CUX2: variants seen among roughly 807,000 people sequenced by gnomAD.
CUX2 encodes homeobox protein cut-like 2.
In CUX2, 40 loss-of-function variants were observed where a neutral mutation model predicts 144.8. The observed-to-expected ratio is 0.28, with a 90% confidence interval of 0.21 to 0.36. The LOEUF is 0.36. Ranked by LOEUF, CUX2 falls within the 10% of genes least tolerant of loss-of-function variation. The pLI is 1.00. For missense variants in CUX2, 1,615 were observed against 1,994.0 expected (o/e 0.81, Z 3.62); for synonymous variants, 827 against 875.6 (o/e 0.94, Z 0.98).
Position 111,347,789 on chromosome 12 carries a change from G to A in CUX2, c.3925G>A (p.Glu1309Lys), listed in dbSNP as rs1408229568. Reference sequence around the variant, plus strand: ...GGAACAGATGGAGGAGGATGCTGAGGAAGAGGCAGGCAGCCAGCCCCAGGA... The same window carrying A: ...GGAACAGATGGAGGAGGATGCTGAGAAAGAGGCAGGCAGCCAGCCCCAGGA... ...KQEQMEEDAE[E>K]EAGSQPQDSG... Residue 1309 changes from glutamate to lysine, a missense_variant, in exon 22 of 22, where the codon GAA becomes AAA. Coordinates refer to ENST00000261726, the MANE Select transcript of CUX2 (RefSeq NM_015267.4). The A allele has an allele frequency of 1.9e-6, 3 of 1,613,598 alleles. No individual in the cohort carries two copies. The African/African-American group carries it at 4.0e-5, about 22-fold the overall frequency.
intron 4 of CUX2, among the ~76,000 whole-genome samples, chr12:111,285,966 G>A (rs1327281865): frequency 6.6e-6 from 1 of 152,228 alleles, no homozygotes; most frequent in Non-Finnish European, 1.5e-5. Flanking sequence ...ACCCCACTGT[G>A]TCCTGGGGTG....
chr12:111,070,124 G>A (rs143295249), intron 1 of CUX2, among the ~76,000 whole-genome samples: 16 of 152,266 alleles, frequency 1.1e-4, no homozygotes, highest in African/African-American at 3.6e-4. Context: ...CAAGGAGTTT[G>A]TAAGTCTCTG....
intron 1 of CUX2, among the ~76,000 whole-genome samples, chr12:111,106,696 C>A (rs529566066): frequency 6.6e-6 from 1 of 152,158 alleles, no homozygotes; most frequent in African/African-American, 2.4e-5. Context: ...GGAAGACTTC[C>A]GCGAGAAGGG....
chr12:111,230,199 G>C (rs572599776), intron 3 of CUX2, among the ~76,000 whole-genome samples: 9 of 150,692 alleles, frequency 6.0e-5, no homozygotes, highest in Non-Finnish European at 1.2e-4. Flanking sequence ...AGCAGGAGAG[G>C]GGGGGAGGGG....
At chr12:111,330,692 TATATATATATATATATATA>T (rs1424342414) in intron 18 of CUX2, among the ~76,000 whole-genome samples, 1 of 9,670 alleles carries the variant, frequency 1.0e-4, no homozygotes, top group Non-Finnish European at 3.1e-4. Flanking sequence ...TATACATATA[TATATATATATATATATATA>T]TATATATATA....
At chr12:111,149,572 AG>A (rs1876909230) in intron 1 of CUX2, among the ~76,000 whole-genome samples, 1 of 152,134 alleles carries the variant, frequency 6.6e-6, no homozygotes, top group Admixed American at 6.5e-5. Flanking sequence ...GTCCCCTGGG[AG>A]GCAAAATCAC....
chr12:111,147,321 C>T (rs1195488682), intron 1 of CUX2, among the ~76,000 whole-genome samples: 2 of 152,118 alleles, frequency 1.3e-5, no homozygotes, highest in Non-Finnish European at 2.9e-5. Context: ...GAGAGGAGGT[C>T]CTAGCATTAA....
intron 3 of CUX2, among the ~76,000 whole-genome samples, chr12:111,219,039 G>A (rs1441201756): frequency 3.3e-5 from 5 of 152,138 alleles, no homozygotes. Flanking sequence ...ACTCAGGCAG[G>A]ACCCCAGAAG....
rs1888586329 is a variant in CUX2 at position 111,341,751 on chromosome 12, C to G, written c.3386-29C>G. On this transcript the variant is annotated intron_variant, in intron 20 of 21. Coordinates refer to ENST00000261726, the MANE Select transcript of CUX2 (RefSeq NM_015267.4). ...AACTTTTGGGATGGGGACACCACCT[C>G]TCAGCCCTCCCTCTCTTCCTGGCCC... The G allele has an allele frequency of 3.2e-6, 5 of 1,549,916 alleles. No individual in the cohort carries two copies. The East Asian group carries it at 1.1e-4, about 35-fold the overall frequency.
At chr12:111,133,948 G>T (rs1256638144) in intron 1 of CUX2, among the ~76,000 whole-genome samples, 1 of 152,134 alleles carries the variant, frequency 6.6e-6, no homozygotes. Flanking sequence ...AACTTTCAGG[G>T]TTCCATTCCA....
chr12:111,143,947 C>G (rs949525318), intron 1 of CUX2, among the ~76,000 whole-genome samples: 1 of 152,230 alleles, frequency 6.6e-6, no homozygotes, highest in African/African-American at 2.4e-5. Flanking sequence ...GTCTGTTTAT[C>G]CAAACTGACT....
intron 3 of CUX2, among the ~76,000 whole-genome samples, chr12:111,224,001 G>A (rs919101201): frequency 5.3e-5 from 8 of 152,146 alleles, no homozygotes; most frequent in African/African-American, 1.7e-4. Flanking sequence ...CTAATGGCTT[G>A]AGACTACTGT....
At chr12:111,095,185 G>A (rs988849563) in intron 1 of CUX2, among the ~76,000 whole-genome samples, 3 of 152,172 alleles carry the variant, frequency 2.0e-5, no homozygotes, top group Admixed American at 1.3e-4. Flanking sequence ...GTGGCCAGGC[G>A]CAGTGGCTCA....
intron 1 of CUX2, among the ~76,000 whole-genome samples, chr12:111,055,388 G>T (rs1256589517): frequency 1.3e-5 from 2 of 152,250 alleles, no homozygotes; most frequent in African/African-American, 4.8e-5. Flanking sequence ...GGACCCTCGG[G>T]CCAGCAGCCT....
intron 1 of CUX2, among the ~76,000 whole-genome samples, chr12:111,097,397 A>C (rs1456991765): frequency 1.3e-5 from 2 of 152,310 alleles, no homozygotes; most frequent in East Asian, 3.9e-4. Flanking sequence ...CAAGCCCTCC[A>C]TCTCCAGAGA....
At chr12:111,338,595 C>T in intron 20 of CUX2, 121 bp downstream of exon 20, 1 of 875,238 alleles carries the variant, frequency 1.1e-6, no homozygotes, top group East Asian at 2.6e-5. Flanking sequence ...TACTATGGGA[C>T]TGCATGAAAT....
intron 1 of CUX2, among the ~76,000 whole-genome samples, chr12:111,185,706 G>A (rs1452325288): frequency 3.3e-5 from 5 of 152,198 alleles, no homozygotes; most frequent in African/African-American, 1.2e-4. Context: ...AGCCTGGGTA[G>A]GCTCAGTAAT....
chr12:111,181,869 G>A (rs1250997249), intron 1 of CUX2, among the ~76,000 whole-genome samples: 1 of 152,214 alleles, frequency 6.6e-6, no homozygotes, highest in Non-Finnish European at 1.5e-5. Flanking sequence ...CTTATTTCCA[G>A]TTATTAAATC....
chr12:111,284,303 G>A (rs1333980594), intron 4 of CUX2, among the ~76,000 whole-genome samples: 1 of 152,108 alleles, frequency 6.6e-6, no homozygotes, highest in Non-Finnish European at 1.5e-5. Context: ...ATTGTCCAGG[G>A]TCACACAGCA....
Sources: gnomAD v4.1 joint callset for allele counts (sites outside exome capture counted in the v4.1 genomes callset) on GRCh38, gnomAD v4.1.1 for gene constraint, MANE v1.5 for transcripts, NCBI Gene and HGNC (gene_info 2026-07-23, HGNC 2026-07-21) for gene names.